VPS13C: variants seen among roughly 807,000 people sequenced by gnomAD.
VPS13C encodes the protein vacuolar protein sorting 13 homolog C, also known as intermembrane lipid transfer protein VPS13C.
A neutral mutation model predicts 456.8 loss-of-function variants in VPS13C; 358 were observed. The ratio of observed to expected loss-of-function variants is 0.78; its 90% CI spans 0.72 to 0.86. The LOEUF (loss-of-function observed/expected upper bound fraction) is 0.86. Ranked by LOEUF, VPS13C falls within the 40% of genes least tolerant of loss-of-function variation. The pLI, the probability that VPS13C is intolerant of heterozygous loss-of-function variation, is 0.00. For synonymous variants in VPS13C, 1,578 were observed against 1,486.7 expected, an observed-to-expected ratio of 1.06 and a Z score of -1.41; for missense variants, 4,818 against 4,385.4, an observed-to-expected ratio of 1.10 and a Z score of -2.79.
rs571967767 is a variant in VPS13C, at chr15:61,944,354, T to C, written c.5148+1361A>G. Among the ~76,000 whole-genome samples, 3 of 152,118 alleles carry C rather than the reference T, an allele frequency of 2.0e-5. No individual in the cohort carries two copies. The South Asian group carries it at 6.2e-4, about 32-fold the overall frequency. On this transcript the variant is annotated intron_variant, in intron 45 of 84. Transcript: ENST00000644861. ...CACTCACGTGTTCTTCAGAGCACAA[T>C]TCACAACAGCAAAGACCTGGAATCA... is the stretch of plus-strand genomic sequence containing the variant.
At chr15:62,049,455 T>G (rs1167603506) in intron 1 of VPS13C, among the ~76,000 whole-genome samples, 1 of 152,114 alleles carries the variant, frequency 6.6e-6, no homozygotes, top group Non-Finnish European at 1.5e-5. Context: ...TCTGTTCCAT[T>G]ATCTATATCT....
chr15:61,960,009 A>T (rs2045140414), intron 35 of VPS13C, among the ~76,000 whole-genome samples: 1 of 152,146 alleles, frequency 6.6e-6, no homozygotes, highest in Non-Finnish European at 1.5e-5. Flanking sequence ...TTTCTCTAGG[A>T]TTATTTTCTA....
chr15:61,897,727 G>A (rs907202647), intron 66 of VPS13C, among the ~76,000 whole-genome samples: 4 of 152,044 alleles, frequency 2.6e-5, no homozygotes, highest in East Asian at 1.9e-4. Context: ...ACAGGCCAAC[G>A]TTCAGATACA....
At position 61,951,850 on chromosome 15, in the gene VPS13C, A is replaced by C. The variant is rs769398402; in HGVS notation, c.4430T>G (p.Ile1477Ser). 6.2e-7 allele frequency: 1 copy of C among 1,611,370 alleles called. No individual in the cohort carries two copies. Among genetic ancestry groups the C allele is most frequent in the Non-Finnish European group, 8.5e-7 (1 of 1,178,850 alleles). ...DMTAKAYLKK[I>S]SMQCFDFTDS... The stretch of plus-strand genomic sequence containing the variant: ...AGTGAAATCAAAGCACTGCATACTA[A>C]TTTTTTTTAGATAAGCTTTAGCAGT... The change falls in exon 39 of 85, where the codon ATT (isoleucine) becomes AGT (serine). Residue 1477 changes from isoleucine to serine, a missense_variant. By Grantham distance (142) the Ile-to-Ser change is moderately radical. Coordinates refer to ENST00000644861, the MANE Select transcript of VPS13C (RefSeq NM_020821.3).
At chr15:62,044,653 T>C (rs1264380337) in intron 1 of VPS13C, among the ~76,000 whole-genome samples, 2 of 152,136 alleles carry the variant, frequency 1.3e-5, no homozygotes, top group African/African-American at 2.4e-5. Context: ...TTTAATTACG[T>C]TATCAATTAA....
Position 61,867,276 on chromosome 15 carries a change from A to G in VPS13C, c.10863+1383T>C. ...CAGAAATGCTAAAGGCTGAAAATGT[A>G]TATAACATAATTATAAAATGGCTAT... is the stretch of plus-strand genomic sequence containing the variant. On this transcript the variant is annotated intron_variant, in intron 81 of 84. Transcript: ENST00000644861. This position sits in a 1 kb window ranked among gnomAD's most constrained non-coding sequence, Gnocchi z 5.0. The G allele has an allele frequency of 1.0e-6, 1 of 984,538 alleles. No individual in the cohort carries two copies. Among genetic ancestry groups the G allele is most frequent in the Non-Finnish European group, 1.2e-6 (1 of 829,106 alleles). 61.0% of individuals were successfully genotyped at this position (984,538 alleles called of 1,614,324 possible).
chr15:61,880,694 G>A lies in VPS13C; in HGVS notation c.9917C>T (p.Ala3306Val). 1 of 1,593,004 alleles carries A rather than the reference G, an allele frequency of 6.3e-7. No homozygotes were observed. The highest frequency in any genetic ancestry group is 8.5e-7 in the Non-Finnish European group (1 of 1,171,740). Residue 3306 changes from alanine (A) to valine (V), a missense_variant, in exon 73 of 85, where the codon GCT becomes GTT. Ala to Val is a moderately conservative substitution (Grantham distance 64). This residue lies in a region of VPS13C where 4,552 missense variants were observed against 4,130.6 expected (regional missense o/e 1.10). Transcript: ENST00000644861. ...RTKLIQQDID[A>V]LNAELMETSM... ...AGTCTCCATTAATTCTGCATTTAGA[G>A]CATCAATATCTTGTTGGATTAACTT...
chr15:61,866,512 T>C (rs1337479007), intron 81 of VPS13C: 3 of 984,850 alleles, frequency 3.0e-6, no homozygotes, highest in African/African-American at 3.5e-5. Context: ...AAATTAAAAA[T>C]TGTTACTTTA....
rs1319087941 is a variant in VPS13C at position 61,974,388 on chromosome 15, A to G, written c.2438T>C (p.Met813Thr). The change falls in exon 25 of 85, where the codon ATG (methionine) becomes ACG (threonine). Residue 813 changes from methionine (M) to threonine (T), a missense_variant. By Grantham distance (81) the Met-to-Thr change is moderately conservative (BLOSUM62 -1). This residue lies in a region of VPS13C where 4,552 missense variants were observed against 4,130.6 expected (regional missense o/e 1.10). Transcript: ENST00000644861. ...CTTCTGGTCAGAAATTCTCACATGC[A>G]TCAAAGGAAGTCCTCCTGACACTTT... is the stretch of plus-strand genomic sequence containing the variant. The part of the protein sequence containing the change: ...RFKVSGGLPL[M>T]HVRISDQKMK... The G allele has an allele frequency of 1.9e-6, 3 of 1,612,626 alleles. No individual in the cohort carries two copies. The East Asian group carries it at 6.7e-5, about 36-fold the overall frequency.
intron 75 of VPS13C, 59 bp from the exon 76 acceptor site, chr15:61,875,904 T>G (rs1895387742): frequency 8.6e-7 from 1 of 1,167,990 alleles, no homozygotes; most frequent in Non-Finnish European, 1.2e-6. Flanking sequence ...AACATCATAA[T>G]GAAATAGAAA....
chr15:61,926,954 T>C lies in VPS13C; in HGVS notation c.6516+137A>G, dbSNP rs1421907201. ...GTCATTTAACATCTTTGGAATTCAATATCTTTATATGTAAAACCCCAAGTT... is the reference window on the plus strand; with the variant it reads ...GTCATTTAACATCTTTGGAATTCAACATCTTTATATGTAAAACCCCAAGTT... On this transcript the variant is annotated intron_variant, in intron 52 of 84. Coordinates refer to ENST00000644861, the MANE Select transcript of VPS13C (RefSeq NM_020821.3). The C allele has an allele frequency of 5.2e-6, 4 of 762,104 alleles. No individual in the cohort carries two copies. In the African/African-American group the frequency reaches 5.3e-5, roughly 10 times the overall value. 47.2% of individuals were successfully genotyped at this position (762,104 alleles called of 1,614,324 possible).
chr15:62,059,366 G>T (rs1028667365), intron 1 of VPS13C, among the ~76,000 whole-genome samples: 1 of 150,290 alleles, frequency 6.7e-6, no homozygotes. Flanking sequence ...GTCGTTTTTT[G>T]AATTTTCCTC....
chr15:61,924,719 G>T (rs2043787507), intron 53 of VPS13C, among the ~76,000 whole-genome samples: 1 of 152,034 alleles, frequency 6.6e-6, no homozygotes, highest in Non-Finnish European at 1.5e-5. Context: ...TATTTACATG[G>T]TACTTCAAAT....
At position 61,867,619 on chromosome 15, in the gene VPS13C, C is replaced by T. The variant is rs181961510; in HGVS notation, c.10863+1040G>A. 2.9e-3 allele frequency: 3,173 copies of T among 1,093,394 alleles called. 11 individuals are homozygous for T. Among genetic ancestry groups the T allele is most frequent in the African/African-American group, 0.014 (860 of 60,254 alleles). The allele number at this position is 1,093,394 out of a possible 1,614,324, so 67.7% of individuals were successfully genotyped here. A position where few individuals can be genotyped will look rare whatever the true frequency, so the allele number is the denominator to read the frequency against. On this transcript the variant is annotated intron_variant, in intron 81 of 84. Transcript: ENST00000644861. The surrounding 1 kb of genome is among the most constrained non-coding windows in gnomAD (Gnocchi z 5.0). ...CATGAACACCATAAGATAAAATTTT[C>T]GAAATGATAGTAACAGTATCTGCTT...
chr15:61,971,129 A>T (rs1363778538), intron 27 of VPS13C, among the ~76,000 whole-genome samples: 1 of 152,202 alleles, frequency 6.6e-6, no homozygotes, highest in Admixed American at 6.5e-5. Context: ...GGCCAGTCAT[A>T]TGAGGTGTTA....
At chr15:62,052,989 A>G (rs1252582099) in intron 1 of VPS13C, among the ~76,000 whole-genome samples, 1 of 152,226 alleles carries the variant, frequency 6.6e-6, no homozygotes. Context: ...CAGAATGGTT[A>G]CCAAAATACC....
At chr15:62,028,309 C>A (rs748167044) in intron 6 of VPS13C, 49 bp downstream of exon 6, 1 of 1,591,902 alleles carries the variant, frequency 6.3e-7, no homozygotes, top group Non-Finnish European at 8.6e-7. Context: ...CACAAGCATA[C>A]ACAAGAATAT....
intron 15 of VPS13C, among the ~76,000 whole-genome samples, chr15:62,005,069 G>T (rs1357141865): frequency 6.6e-6 from 1 of 151,764 alleles, no homozygotes; most frequent in Non-Finnish European, 1.5e-5. Flanking sequence ...CAATTCCTGG[G>T]TATCCTTGTT....
At chr15:61,945,982 T>G in intron 44 of VPS13C, 100 bp from the exon 45 acceptor site, 1 of 1,024,684 alleles carries the variant, frequency 9.8e-7, no homozygotes, top group Non-Finnish European at 1.3e-6. Flanking sequence ...CCTTGATAAG[T>G]AGAAATATAT....
Sources: gnomAD v4.1 joint callset for allele counts (sites outside exome capture counted in the v4.1 genomes callset) on GRCh38, gnomAD v4.1.1 for gene constraint, gnomAD v4.1.1 regional missense constraint, Gnocchi (gnomAD v3.1) non-coding constraint, MANE v1.5 for transcripts, NCBI Gene and HGNC (gene_info 2026-07-23, HGNC 2026-07-21) for gene names.